DKC1: variants seen among roughly 807,000 people sequenced by gnomAD.
The protein encoded by DKC1 is H/ACA ribonucleoprotein complex subunit DKC1.
Under a neutral mutation model 46.7 loss-of-function variants are expected in DKC1, and 4 were observed. That is an observed-to-expected ratio of 0.09 (90% CI 0.04 to 0.20). DKC1 has a LOEUF of 0.20. DKC1 is among the 10% of genes least tolerant of loss of function. DKC1 has a pLI of 1.00. For synonymous variants in DKC1, 141 were observed against 142.4 expected (o/e 0.99, Z 0.07); for missense variants, 171 against 404.2 (o/e 0.42, Z 4.95).
Position 154,777,559 on chromosome X carries a change from T to C in DKC1, c.*692T>C, listed in dbSNP as rs1414021476. 1.8e-5 allele frequency: 2 copies of C among 112,806 alleles called. No individual in the cohort carries two copies. The highest frequency in any genetic ancestry group is 3.7e-5 in the Non-Finnish European group (2 of 53,388). The allele number at this position is 112,806 out of a possible 1,213,427, so 9.3% of individuals were successfully genotyped here. On this transcript the variant is annotated 3_prime_UTR_variant, in exon 15 of 15. Coordinates refer to ENST00000369550, the MANE Select transcript of DKC1 (RefSeq NM_001363.5). The stretch of plus-strand genomic sequence containing the variant: ...AGAAGAATGTTGTAATTTTTACTTA[T>C]TAAAGTCAACTTGTTAAGTTTTTTA...
intron 9 of DKC1, among the ~76,000 whole-genome samples, chrX:154,769,826 G>A (rs782332322): frequency 2.7e-5 from 3 of 111,932 alleles, no homozygotes; most frequent in Non-Finnish European, 3.8e-5. Context: ...ACAAAACAGT[G>A]GACAACATAA....
intron 1 of DKC1, 56 bp downstream of exon 1, chrX:154,763,037 G>GT: frequency 1.8e-6 from 2 of 1,142,725 alleles, no homozygotes; most frequent in Non-Finnish European, 2.4e-6. Context: ...GGGAACGGGG[G>GT]TGGGGGGATG....
chrX:154,768,503 T>C (rs1557264504), intron 8 of DKC1, 71 bp downstream of exon 8: 2 of 1,169,484 alleles, frequency 1.7e-6, no homozygotes, highest in Non-Finnish European at 2.3e-6. Context: ...GCACTCCACT[T>C]GCTTCATGTC....
chrX:154,769,601 CTG>C (rs1253996174), intron 9 of DKC1, among the ~76,000 whole-genome samples: 1 of 111,477 alleles, frequency 9.0e-6, no homozygotes, highest in African/African-American at 3.3e-5. Context: ...AGGCTGTGAG[CTG>C]TGTTTTTATG....
At chrX:154,773,651 A>T (rs2071853549) in intron 11 of DKC1, among the ~76,000 whole-genome samples, 1 of 110,849 alleles carries the variant, frequency 9.0e-6, no homozygotes, top group Non-Finnish European at 1.9e-5. Flanking sequence ...CCCAAGGCAG[A>T]AGAGTTTTTC....
chrX:154,769,699 T>C (rs1347465262), intron 9 of DKC1, among the ~76,000 whole-genome samples: 1 of 112,535 alleles, frequency 8.9e-6, no homozygotes, highest in Non-Finnish European at 1.9e-5. Context: ...ATTTAAAATG[T>C]TTGTAGTTGG....
At chrX:154,769,347 C>T (rs782595098) in intron 9 of DKC1, 37 bp downstream of exon 9, 37 of 1,178,141 alleles carry the variant, frequency 3.1e-5, no homozygotes, top group South Asian at 5.4e-5. Context: ...TTGGAAAGAA[C>T]GTACTCCAAA....
At chrX:154,763,371 AAAG>A (rs1557263805) in intron 1 of DKC1, among the ~76,000 whole-genome samples, 1 of 112,429 alleles carries the variant, frequency 8.9e-6, no homozygotes, top group African/African-American at 3.2e-5. Flanking sequence ...GCCGAGAAGA[AAAG>A]GAGCGGAGGG....
In DKC1 at chrX:154,777,074, T is replaced by C; in HGVS notation, c.*207T>C. Reference sequence around the variant, plus strand: ...TTTTAAGGATATGGGTGGTGAAAGATGAAAGAGGCAGAGTTTATCCCAATG... The same window carrying C: ...TTTTAAGGATATGGGTGGTGAAAGACGAAAGAGGCAGAGTTTATCCCAATG... On this transcript the variant is annotated 3_prime_UTR_variant, in exon 15 of 15. Transcript: ENST00000369550. 1 of 355,046 alleles carries C rather than the reference T, an allele frequency of 2.8e-6. No homozygotes were observed. The highest frequency in any genetic ancestry group is 3.5e-5 in the South Asian group (1 of 28,212). 29.3% of individuals were successfully genotyped at this position (355,046 alleles called of 1,213,427 possible).
In DKC1 at chrX:154,774,614, A is replaced by C; in HGVS notation, c.1168A>C (p.Lys390Gln). 1 of 1,211,386 alleles carries C rather than the reference A, an allele frequency of 8.3e-7. No homozygotes were observed. The highest frequency in any genetic ancestry group is 1.1e-6 in the Non-Finnish European group (1 of 895,110). The change falls in exon 12 of 15, where the codon AAG becomes CAG. Residue 390 changes from lysine (K) to glutamine (Q), a missense_variant. Physicochemically the swap from Lys to Gln is moderately conservative, Grantham distance 53 (BLOSUM62 1). Around this residue, in one of 4 missense-constraint regions of DKC1, gnomAD observed 60 missense variants for 206.5 expected, o/e 0.29. Transcript: ENST00000369550. Reference sequence around the variant, plus strand: ...GATGTTCCACCAGGCAAGTCAGAAGAAGCTGATGATCAAGCAGGGCCTTCT... The same window carrying C: ...GATGTTCCACCAGGCAAGTCAGAAGCAGCTGATGATCAAGCAGGGCCTTCT... ...WGLGPKASQK[K>Q]LMIKQGLLDK...
Position 154,762,897 on chromosome X carries a change from A to G in DKC1, c.-69A>G, listed in dbSNP as rs1305036852. 2.0e-5 allele frequency: 23 copies of G among 1,149,735 alleles called. No individual in the cohort carries two copies. In the African/African-American group the frequency reaches 2.1e-4, roughly 11 times the overall value. 94.8% of individuals were successfully genotyped at this position (1,149,735 alleles called of 1,213,427 possible). ...CCTAGCAGCGCGGCCTGACGGGACCAAGGCGGCGGGAGTCTGCGGTCGTTC... is the reference window on the plus strand; with the variant it reads ...CCTAGCAGCGCGGCCTGACGGGACCGAGGCGGCGGGAGTCTGCGGTCGTTC... On this transcript the variant is annotated 5_prime_UTR_variant, in exon 1 of 15. Transcript: ENST00000369550.
chrX:154,770,486 A>G (rs989902244), intron 9 of DKC1, among the ~76,000 whole-genome samples: 4 of 108,200 alleles, frequency 3.7e-5, no homozygotes, highest in African/African-American at 1.0e-4. Flanking sequence ...AAAAAAAAAA[A>G]AAAGAAAATA....
chrX:154,773,455 G>C (rs1223350763), intron 11 of DKC1, among the ~76,000 whole-genome samples: 1 of 109,311 alleles, frequency 9.1e-6, no homozygotes, highest in Non-Finnish European at 1.9e-5. Context: ...GCGGCCTTCC[G>C]CAGTGTCTGT....
Position 154,770,896 on chromosome X carries a change from AT to A in DKC1, c.1036+23del. On this transcript the variant is annotated intron_variant, in intron 10 of 14. Transcript: ENST00000369550. ...TCTGCATGGGTAAGAGGGGATGTTT[AT>A]TTTTTAAATTCTAAATGTTTGTGGT... 1.7e-6 allele frequency: 2 copies of A among 1,207,222 alleles called. No homozygotes were observed. The highest frequency in any genetic ancestry group is 2.2e-6 in the Non-Finnish European group (2 of 891,891).
intron 1 of DKC1, among the ~76,000 whole-genome samples, chrX:154,764,044 C>T (rs2071714684): frequency 9.2e-6 from 1 of 108,966 alleles, no homozygotes; most frequent in African/African-American, 3.4e-5. Context: ...GCCTGTAATC[C>T]CAGCTACTCG....
At chrX:154,765,674 G>A in intron 3 of DKC1, 144 bp downstream of exon 3, 1 of 610,972 alleles carries the variant, frequency 1.6e-6, no homozygotes, top group Non-Finnish European at 2.7e-6. Context: ...GATTCCTTAA[G>A]GTATCTGAAA....
chrX:154,774,508 C>T (rs782689156), intron 11 of DKC1, 94 bp from the exon 12 acceptor site: 37 of 798,809 alleles, frequency 4.6e-5, no homozygotes, highest in Non-Finnish European at 6.4e-5. Context: ...GCTGAGAATA[C>T]ACCAGGGAGG....
At position 154,767,148 on chromosome X, in the gene DKC1, C is replaced by T. The variant is rs183681840; in HGVS notation, c.513+87C>T. 117 of 1,181,354 alleles carry T rather than the reference C, an allele frequency of 9.9e-5. 1 individual carries two copies. The African/African-American group carries it at 1.9e-3, about 19-fold the overall frequency. On this transcript the variant is annotated intron_variant, in intron 6 of 14. Transcript: ENST00000369550. Reference sequence around the variant, plus strand: ...TCTGGAGATGGGTTAGCTGTCCTGACTGACTCCTTTTGTCCCCTTTTCAGT... The same window carrying T: ...TCTGGAGATGGGTTAGCTGTCCTGATTGACTCCTTTTGTCCCCTTTTCAGT...
intron 9 of DKC1, among the ~76,000 whole-genome samples, chrX:154,769,685 G>A (rs143575341): frequency 0.013 from 1,489 of 111,894 alleles, 15 homozygotes; most frequent in African/African-American, 0.046. Flanking sequence ...AAAAATTTCT[G>A]GATATTTAAA....
Sources: allele counts gnomAD v4.1 joint callset (sites outside exome capture counted in the v4.1 genomes callset), GRCh38; gene constraint gnomAD v4.1.1; regional missense constraint gnomAD v4.1.1; transcripts MANE v1.5; gene names NCBI Gene and HGNC (gene_info 2026-07-23, HGNC 2026-07-21).